The following HEATR4 variants were observed in gnomAD, a reference collection of about 807,000 sequenced individuals.
HEATR4 encodes HEAT repeat containing 4, also known as HEAT repeat-containing protein 4.
A neutral mutation model predicts 108.8 loss-of-function variants in HEATR4; 95 were observed. The ratio of observed to expected loss-of-function variants is 0.87; its 90% CI spans 0.74 to 1.04. The LOEUF (loss-of-function observed/expected upper bound fraction) is 1.04. Ranked by LOEUF, HEATR4 falls within the 50% of genes least tolerant of loss-of-function variation. HEATR4 has a pLI of 0.00. For synonymous variants in HEATR4, 443 were observed against 459.4 expected, an observed-to-expected ratio of 0.96 and a Z score of 0.46; for missense variants, 1,152 against 1,253.8, an observed-to-expected ratio of 0.92 and a Z score of 1.23.
Position 73,555,039 on chromosome 14 carries a change from G to A in HEATR4, c.-152+3712C>T, listed in dbSNP as rs1360528700. ...TTTTAAATAAACTTGAAATAAAAAT[G>A]ATTAAACTAAAAAAAAAGAATGTAG... On this transcript the variant is annotated intron_variant, in intron 1 of 17. Transcript: ENST00000553558. 1.1e-4 allele frequency among the ~76,000 whole-genome samples: 12 copies of A among 112,788 alleles called. 4 individuals are homozygous for A. In the South Asian group the frequency reaches 3.4e-3, roughly 32 times the overall value. 74.0% of individuals were successfully genotyped at this position (112,788 alleles called of 152,430 possible).
At chr14:73,612,517 A>AG in the HEATR4 span, 1 of 1,151,514 alleles carries the variant, frequency 8.7e-7, no homozygotes, top group South Asian at 2.4e-5. Flanking sequence ...CAAAGCCGCC[A>AG]GGCCCGCCCA....
chr14:73,505,788 G>A (rs1001735974), intron 10 of HEATR4, among the ~76,000 whole-genome samples: 5 of 151,766 alleles, frequency 3.3e-5, no homozygotes, highest in South Asian at 2.1e-4. Context: ...AGTGCTTCTC[G>A]AATGATCTTT....
Position 73,512,810 on chromosome 14 carries a change from T to G in HEATR4, c.1415-661A>C, listed in dbSNP as rs1024639277. On this transcript the variant is annotated intron_variant, in intron 6 of 17. Coordinates refer to ENST00000553558, the MANE Select transcript of HEATR4 (RefSeq NM_001220484.1). ...AAAGCTCCTATTATCTGTAGGTGTT[T>G]CCTTCAGTCTTTTTTGTTATTGTTT... 3.9e-5 allele frequency among the ~76,000 whole-genome samples: 6 copies of G among 152,226 alleles called. No individual in the cohort carries two copies. The South Asian group carries it at 1.0e-3, about 26-fold the overall frequency.
intron 14 of HEATR4, among the ~76,000 whole-genome samples, chr14:73,497,400 C>G (rs1886171452): frequency 6.6e-6 from 1 of 152,118 alleles, no homozygotes; most frequent in African/African-American, 2.4e-5. Context: ...ATGACAGGCG[C>G]TAAACATGTC....
At chr14:73,575,947 T>C in the HEATR4 span, among the ~76,000 whole-genome samples, 2 of 150,752 alleles carry the variant, frequency 1.3e-5, no homozygotes, top group African/African-American at 4.9e-5. Context: ...AGGTCAGGAG[T>C]TTGAGACCAG....
intron 5 of HEATR4, among the ~76,000 whole-genome samples, chr14:73,514,840 G>A (rs1375744651): frequency 6.6e-6 from 1 of 152,042 alleles, no homozygotes; most frequent in Non-Finnish European, 1.5e-5. Flanking sequence ...AGGCCGAGGC[G>A]AGCAGATCAC....
At chr14:73,568,785 CAGCT>C in the HEATR4 span, among the ~76,000 whole-genome samples, 1 of 152,042 alleles carries the variant, frequency 6.6e-6, no homozygotes, top group Non-Finnish European at 1.5e-5. Flanking sequence ...AGAGGTCACA[CAGCT>C]AGTAAGAAGC....
At chr14:73,481,600 G>A (rs140843905) in intron 17 of HEATR4, among the ~76,000 whole-genome samples, 3,598 of 152,128 alleles carry the variant, frequency 0.024, 155 homozygotes, top group African/African-American at 0.082. Context: ...CAAGCACTTT[G>A]GGAGGCCGAC....
rs754349865 is a variant in HEATR4, at chr14:73,520,845, C to G, written c.1069+7G>C. The G allele has an allele frequency of 3.1e-6, 5 of 1,612,678 alleles. No individual in the cohort carries two copies. On this transcript the variant is annotated splice_region_variant and intron_variant, in intron 4 of 17. Transcript: ENST00000553558. ...GTGCCCCTACCACAGGGGCCCAGCT[C>G]TATTACCAAAGTAAATCTCCTGTTC...
At chr14:73,514,865 G>A (rs8007853) in intron 5 of HEATR4, among the ~76,000 whole-genome samples, 24,178 of 151,834 alleles carry the variant, frequency 0.16, 2,374 homozygotes, top group East Asian at 0.33. Context: ...TCAGGAGATC[G>A]AGACCATCCT....
At chr14:73,624,848 G>A in the HEATR4 span, among the ~76,000 whole-genome samples, 1 of 152,078 alleles carries the variant, frequency 6.6e-6, no homozygotes, top group Non-Finnish European at 1.5e-5. Flanking sequence ...GATAATCTGT[G>A]TAAAGTACTT....
the HEATR4 span, among the ~76,000 whole-genome samples, chr14:73,571,962 A>G: frequency 3.3e-5 from 5 of 151,778 alleles, no homozygotes; most frequent in African/African-American, 9.7e-5. Context: ...AATGCAAAAT[A>G]AAACAACAGA....
the HEATR4 span, among the ~76,000 whole-genome samples, chr14:73,568,427 G>C: frequency 6.6e-6 from 1 of 151,870 alleles, no homozygotes; most frequent in African/African-American, 2.4e-5. Context: ...TGCATGGGGA[G>C]CTCCGGTAGT....
chr14:73,593,212 T>C, the HEATR4 span, among the ~76,000 whole-genome samples: 2 of 152,318 alleles, frequency 1.3e-5, no homozygotes, highest in East Asian at 3.9e-4. Context: ...AAACCATCTC[T>C]GGGTATTTCT....
At chr14:73,619,228 C>G in the HEATR4 span, 1 of 1,542,030 alleles carries the variant, frequency 6.5e-7, no homozygotes, top group Non-Finnish European at 8.7e-7. Flanking sequence ...TCTTTTTCCT[C>G]AACAGGTGAA....
chr14:73,521,194 C>T (rs989416320), intron 3 of HEATR4, among the ~76,000 whole-genome samples, 155 bp from the exon 4 acceptor site: 2 of 152,060 alleles, frequency 1.3e-5, no homozygotes, highest in African/African-American at 2.4e-5. Context: ...TAGCCTTGTC[C>T]CCATGGTGCC....
the HEATR4 span, chr14:73,593,696 C>G: frequency 3.8e-6 from 6 of 1,597,816 alleles, no homozygotes; most frequent in Non-Finnish European, 4.3e-6. Flanking sequence ...ATATTTTGTT[C>G]TCTAGGACCT....
At chr14:73,482,138 C>A (rs892986461) in intron 17 of HEATR4, among the ~76,000 whole-genome samples, 1 of 152,178 alleles carries the variant, frequency 6.6e-6, no homozygotes, top group African/African-American at 2.4e-5. Context: ...GTAATCCCAG[C>A]ACTTTAGGAG....
the HEATR4 span, chr14:73,595,203 T>C: frequency 6.2e-7 from 1 of 1,614,226 alleles, no homozygotes; most frequent in South Asian, 1.1e-5. Flanking sequence ...CACAGTAGCA[T>C]TCCACCATTG....
Sources: gnomAD v4.1 joint callset for allele counts (sites outside exome capture counted in the v4.1 genomes callset) on GRCh38, gnomAD v4.1.1 for gene constraint, MANE v1.5 for transcripts, NCBI Gene and HGNC (gene_info 2026-07-23, HGNC 2026-07-21) for gene names.